Variants in FRY observed in about 807,000 individuals in gnomAD.
FRY encodes the protein FRY microtubule binding protein, also known as protein furry homolog.
FRY carries 128 observed loss-of-function variants against 348.4 expected under a neutral mutation model. The observed-to-expected ratio is 0.37, with a 90% confidence interval of 0.32 to 0.43. The LOEUF is 0.43. FRY is among the 20% of genes least tolerant of loss of function. The pLI is 1.00. For synonymous variants in FRY, 1,370 were observed against 1,374.7 expected, an observed-to-expected ratio of 1.00 and a Z score of 0.08; for missense variants, 2,736 against 3,695.2, an observed-to-expected ratio of 0.74 and a Z score of 6.73.
At chr13:32,060,790 G>C in intron 1 of FRY, 1 of 259,418 alleles carries the variant, frequency 3.9e-6, no homozygotes, top group Non-Finnish European at 7.8e-6. Flanking sequence ...ATGTTCTTGT[G>C]GATAAATATA....
chr13:32,166,616 A>T (rs1881752412), intron 17 of FRY, among the ~76,000 whole-genome samples: 1 of 152,152 alleles, frequency 6.6e-6, no homozygotes, highest in African/African-American at 2.4e-5. Flanking sequence ...TAACAAAAGT[A>T]AAAATGAGGA....
At chr13:32,128,823 A>C (rs1879181771) in intron 7 of FRY, among the ~76,000 whole-genome samples, 1 of 152,254 alleles carries the variant, frequency 6.6e-6, no homozygotes, top group African/African-American at 2.4e-5. Flanking sequence ...CATCAGAAAC[A>C]CCTGTAGAGC....
intron 30 of FRY, 109 bp from the exon 31 acceptor site, chr13:32,202,247 T>C: frequency 1.1e-6 from 1 of 908,786 alleles, no homozygotes; most frequent in Admixed American, 1.8e-5. Context: ...TATTTTTAAA[T>C]GGGAATTAAT....
intron 59 of FRY, among the ~76,000 whole-genome samples, chr13:32,290,238 A>G (rs1889269048): frequency 6.6e-6 from 1 of 152,196 alleles, no homozygotes; most frequent in Non-Finnish European, 1.5e-5. Context: ...ACTTAAACAT[A>G]TTACTGCTGA....
chr13:32,219,761 CA>C (rs963612801), intron 36 of FRY, among the ~76,000 whole-genome samples: 56 of 152,244 alleles, frequency 3.7e-4, no homozygotes, highest in African/African-American at 1.3e-3. Context: ...GGCGGTTCAA[CA>C]TTTCCACCTA....
intron 16 of FRY, 86 bp from the exon 17 acceptor site, chr13:32,161,058 C>A: frequency 2.3e-6 from 2 of 880,820 alleles, no homozygotes; most frequent in Admixed American, 1.7e-5. Context: ...GGCATGGATT[C>A]TAGTCTTTGT....
At position 32,256,385 on chromosome 13, in the gene FRY, A is replaced by G. The variant is rs545735572; in HGVS notation, c.7416+1991A>G. Among the ~76,000 whole-genome samples the G allele has an allele frequency of 2.0e-5, 3 of 152,174 alleles. No individual in the cohort carries two copies. The South Asian group carries it at 6.2e-4, about 32-fold the overall frequency. Reference sequence around the variant, plus strand: ...AGACCCTGTCTCTACAAAATTTAAAATTAGCCAGGTGTGATAGCACATGCC... The same window carrying G: ...AGACCCTGTCTCTACAAAATTTAAAGTTAGCCAGGTGTGATAGCACATGCC... On this transcript the variant is annotated intron_variant, in intron 51 of 60. Transcript: ENST00000542859.
At position 32,297,602 on chromosome 13, in the gene FRY, T is replaced by C. The variant is rs2072083473; in HGVS notation, c.*2142T>C. 6.6e-6 allele frequency: 1 copy of C among 152,182 alleles called. No homozygotes were observed. Among genetic ancestry groups the C allele is most frequent in the Non-Finnish European group, 1.5e-5 (1 of 68,030 alleles). The allele number at this position is 152,182 out of a possible 1,614,324, so 9.4% of individuals were successfully genotyped here. A position where few individuals can be genotyped will look rare whatever the true frequency, so the allele number is the denominator to read the frequency against. On this transcript the variant is annotated 3_prime_UTR_variant, in exon 61 of 61. Transcript: ENST00000542859. ...TCTCAATTTTATTTTTAAAAGGAGA[T>C]GTATTAATGTGAAAGGTTTCTTCTA...
At chr13:32,156,066 A>G (rs1345622181) in intron 15 of FRY, among the ~76,000 whole-genome samples, 6 of 152,196 alleles carry the variant, frequency 3.9e-5, no homozygotes, top group Non-Finnish European at 5.9e-5. Context: ...AAACATGCCA[A>G]ATCTCACAAC....
intron 17 of FRY, among the ~76,000 whole-genome samples, chr13:32,165,902 T>C (rs912169002): frequency 2.6e-5 from 4 of 152,240 alleles, no homozygotes; most frequent in Non-Finnish European, 4.4e-5. Context: ...TGTCCTGACT[T>C]GTTCAGTAGC....
intron 39 of FRY, 46 bp downstream of exon 39, chr13:32,226,020 A>G (rs1346970519): frequency 6.4e-7 from 1 of 1,558,782 alleles, no homozygotes; most frequent in Non-Finnish European, 8.8e-7. Flanking sequence ...TTACAAATGC[A>G]GAGATAACTA....
intron 2 of FRY, 103 bp from the exon 3 acceptor site, chr13:32,101,860 A>G (rs536686712): frequency 1.4e-6 from 1 of 737,966 alleles, no homozygotes; most frequent in Non-Finnish European, 2.4e-6. Context: ...TGATTCCATA[A>G]TGAGAGAAAT....
At chr13:32,110,954 G>A (rs542420087) in intron 3 of FRY, among the ~76,000 whole-genome samples, 2 of 152,130 alleles carry the variant, frequency 1.3e-5, no homozygotes, top group Non-Finnish European at 2.9e-5. Context: ...CATTTCATGA[G>A]GAACAGCATA....
In FRY at chr13:32,280,263, G is replaced by A. The variant is rs76324799; in HGVS notation, c.8469+1715G>A. Among the ~76,000 whole-genome samples, 218 of 152,232 alleles carry A rather than the reference G, an allele frequency of 1.4e-3. 2 individuals carry two copies. In the East Asian group the frequency reaches 0.029, roughly 20 times the overall value. ...TATATTTTTAAAATAAGTGTTTAAT[G>A]ACTTACATAATGTCTCCCATAAGCA... On this transcript the variant is annotated intron_variant, in intron 58 of 60. Coordinates refer to ENST00000542859, the MANE Select transcript of FRY (RefSeq NM_023037.3).
At position 32,149,847 on chromosome 13, in the gene FRY, C is replaced by T. The variant is rs760680586; in HGVS notation, c.1479+13C>T. On this transcript the variant is annotated intron_variant, in intron 14 of 60. Coordinates refer to ENST00000542859, the MANE Select transcript of FRY (RefSeq NM_023037.3). ...TCTCAACCCAGAGGTATGAATGATCCTTTTATGTACTTCTAACAGAGCATG... is the reference window on the plus strand; with the variant it reads ...TCTCAACCCAGAGGTATGAATGATCTTTTTATGTACTTCTAACAGAGCATG... 2 of 1,470,224 alleles carry T rather than the reference C, an allele frequency of 1.4e-6. No homozygotes were observed. Among genetic ancestry groups the T allele is most frequent in the South Asian group, 2.3e-5 (2 of 88,106 alleles). The allele number at this position is 1,470,224 out of a possible 1,614,324, so 91.1% of individuals were successfully genotyped here. A position where few individuals can be genotyped will look rare whatever the true frequency, so the allele number is the denominator to read the frequency against.
intron 58 of FRY, among the ~76,000 whole-genome samples, chr13:32,283,933 T>C (rs1008446354): frequency 6.6e-6 from 1 of 152,248 alleles, no homozygotes; most frequent in Non-Finnish European, 1.5e-5. Context: ...GTGGAATTCA[T>C]TCTGGAGTGA....
intron 1 of FRY, among the ~76,000 whole-genome samples, chr13:32,053,045 G>A (rs761479321): frequency 1.3e-4 from 20 of 152,082 alleles, no homozygotes; most frequent in South Asian, 2.1e-4. Flanking sequence ...CCCGGGAGGC[G>A]GAGGTCGCAA....
chr13:32,034,343 G>A (rs182765844), intron 1 of FRY, among the ~76,000 whole-genome samples: 95 of 152,166 alleles, frequency 6.2e-4, no homozygotes, highest in Admixed American at 6.0e-3. Flanking sequence ...GAATTCACAG[G>A]CCAATAAATA....
At position 32,295,280 on chromosome 13, in the gene FRY, C is replaced by T; in HGVS notation, c.8862C>T (p.His2954=). The T allele has an allele frequency of 1.2e-6, 2 of 1,613,914 alleles. No individual in the cohort carries two copies. The highest frequency in any genetic ancestry group is 1.1e-5 in the South Asian group (1 of 91,072). Residue 2954 remains histidine, a synonymous_variant, in exon 61 of 61, where the codon CAC becomes CAT. Transcript: ENST00000542859. ...CACTACTGAATATTTATTTCCGTCA[C>T]CAAACTCTGGGACAGACGGGTACTT... The part of the protein sequence containing the change: ...VQTLLNIYFR[H]QTLGQTGTYA...
Sources: allele counts gnomAD v4.1 joint callset (sites outside exome capture counted in the v4.1 genomes callset), GRCh38; gene constraint gnomAD v4.1.1; transcripts MANE v1.5; gene names NCBI Gene and HGNC (gene_info 2026-07-23, HGNC 2026-07-21).